The following CDH12 variants were observed in gnomAD, a reference collection of about 807,000 sequenced individuals.
CDH12 encodes the protein cadherin-12.
CDH12 carries 41 observed loss-of-function variants against 74.1 expected under a neutral mutation model. The observed-to-expected ratio is 0.55, with a 90% CI of 0.43 to 0.72. The LOEUF (loss-of-function observed/expected upper bound fraction) is 0.72, where lower values mean the gene tolerates loss of function less well. Ranked by LOEUF, CDH12 falls within the 30% of genes least tolerant of loss-of-function variation. The pLI is 0.00. For synonymous variants in CDH12, 399 were observed against 355.0 expected, an observed-to-expected ratio of 1.12 and a Z score of -1.39; for missense variants, 945 against 977.2, an observed-to-expected ratio of 0.97 and a Z score of 0.44.
chr5:22,230,779 T>G (rs1752355442), intron 3 of CDH12, among the ~76,000 whole-genome samples: 1 of 152,094 alleles, frequency 6.6e-6, no homozygotes, highest in African/African-American at 2.4e-5. Flanking sequence ...CATAATTCTT[T>G]AATCTCCAAG....
At chr5:22,250,590 T>C (rs1313603911) in intron 3 of CDH12, among the ~76,000 whole-genome samples, 1 of 152,212 alleles carries the variant, frequency 6.6e-6, no homozygotes, top group Non-Finnish European at 1.5e-5. Context: ...CATCTCTCAG[T>C]GTATAAATGC....
chr5:21,850,586 A>G (rs1750411563), intron 7 of CDH12, among the ~76,000 whole-genome samples: 1 of 151,634 alleles, frequency 6.6e-6, no homozygotes, highest in Non-Finnish European at 1.5e-5. Context: ...TTTAGAAGAC[A>G]TACAAGAATA....
In CDH12 at chr5:22,074,489, C is replaced by T. The variant is rs59025956; in HGVS notation, c.231+3957G>A. Among the ~76,000 whole-genome samples the T allele has an allele frequency of 5.3e-4, 81 of 151,986 alleles. No individual in the cohort carries two copies. The East Asian group carries it at 0.011, about 21-fold the overall frequency. ...GGATCTAGTTAAACTAAAGAGCTTC[C>T]GCACAGCAAAAGAAATTACCATCAG... On this transcript the variant is annotated intron_variant, in intron 5 of 14. Transcript: ENST00000382254.
chr5:21,945,183 G>A (rs1755515000), intron 6 of CDH12, among the ~76,000 whole-genome samples: 1 of 152,036 alleles, frequency 6.6e-6, no homozygotes, highest in East Asian at 1.9e-4. Flanking sequence ...CCAGCACTGT[G>A]GGAGGCCAAG....
intron 3 of CDH12, among the ~76,000 whole-genome samples, chr5:22,255,990 G>A (rs1436222389): frequency 6.6e-6 from 1 of 151,852 alleles, no homozygotes; most frequent in Non-Finnish European, 1.5e-5. Context: ...ACTGTGTAAC[G>A]ACCTCTAAAT....
At chr5:21,957,439 G>A (rs1265719381) in intron 6 of CDH12, among the ~76,000 whole-genome samples, 1 of 152,098 alleles carries the variant, frequency 6.6e-6, no homozygotes, top group Non-Finnish European at 1.5e-5. Context: ...GCAGTAATGC[G>A]ATTGCTGGTT....
chr5:21,840,944 T>C (rs529995275), intron 8 of CDH12, among the ~76,000 whole-genome samples: 1 of 152,010 alleles, frequency 6.6e-6, no homozygotes, highest in South Asian at 2.1e-4. Context: ...GACATAGGCA[T>C]GGGTAAGGAC....
chr5:21,860,166 TTTG>T (rs1434704877), intron 6 of CDH12, among the ~76,000 whole-genome samples: 1 of 152,086 alleles, frequency 6.6e-6, no homozygotes, highest in Non-Finnish European at 1.5e-5. Flanking sequence ...TTTTCTTTAT[TTTG>T]TTAAGAATAT....
intron 5 of CDH12, among the ~76,000 whole-genome samples, chr5:22,034,851 C>T (rs907087475): frequency 2.6e-5 from 4 of 152,020 alleles, no homozygotes; most frequent in African/African-American, 7.2e-5. Flanking sequence ...AGTAATTTGA[C>T]AATAAAATAA....
intron 3 of CDH12, among the ~76,000 whole-genome samples, chr5:22,233,070 C>T (rs1752441153): frequency 6.6e-6 from 1 of 151,068 alleles, no homozygotes; most frequent in African/African-American, 2.4e-5. Context: ...TTTACTATTA[C>T]TTTGCTATTT....
intron 5 of CDH12, among the ~76,000 whole-genome samples, chr5:22,069,907 TTTTGTC>T (rs1741826574): frequency 1.3e-5 from 2 of 152,084 alleles, no homozygotes; most frequent in Admixed American, 6.6e-5. Context: ...GAAATTAAGG[TTTTGTC>T]TCCCCACAAG....
At chr5:22,695,600 A>G (rs936437780) in intron 1 of CDH12, among the ~76,000 whole-genome samples, 1 of 152,234 alleles carries the variant, frequency 6.6e-6, no homozygotes, top group Non-Finnish European at 1.5e-5. Flanking sequence ...TATTTATAAT[A>G]CAGTGTTAAA....
Position 22,698,691 on chromosome 5 carries a change from A to AG in CDH12, c.-523+154366_-523+154367insC, listed in dbSNP as rs1336076264. Among the ~76,000 whole-genome samples, 28 of 6,462 alleles carry AG rather than the reference A, an allele frequency of 4.3e-3. 1 individual carries two copies. Among genetic ancestry groups the AG allele is most frequent in the Non-Finnish European group, 7.2e-3 (25 of 3,458 alleles). 4.2% of individuals were successfully genotyped at this position (6,462 alleles called of 152,430 possible). A position where few individuals can be genotyped will look rare whatever the true frequency, so the allele number is the denominator to read the frequency against. On this transcript the variant is annotated intron_variant, in intron 1 of 14. Transcript: ENST00000382254. ...TCAATCCCCAGATATATATATATAT[A>AG]TATATATATATATATATATATATAT...
At position 22,328,045 on chromosome 5, in the gene CDH12, T is replaced by A. The variant is rs559127362; in HGVS notation, c.-333+77212A>T. Among the ~76,000 whole-genome samples, 3 of 152,280 alleles carry A rather than the reference T, an allele frequency of 2.0e-5. No individual in the cohort carries two copies. In the South Asian group the frequency reaches 6.2e-4, roughly 32 times the overall value. ...TCACAGTGGCTTAATTAATATTGTT[T>A]GGAAATGGAGGTTGGAGGCAAGGAT... is the stretch of plus-strand genomic sequence containing the variant. On this transcript the variant is annotated intron_variant, in intron 3 of 14. Coordinates refer to ENST00000382254, the MANE Select transcript of CDH12 (RefSeq NM_004061.5).
At chr5:22,218,596 G>A (rs1014735724) in intron 3 of CDH12, among the ~76,000 whole-genome samples, 1 of 151,742 alleles carries the variant, frequency 6.6e-6, no homozygotes, top group African/African-American at 2.4e-5. Context: ...AGAAATTGCA[G>A]AGGTCACAAG....
intron 1 of CDH12, among the ~76,000 whole-genome samples, chr5:22,725,593 AT>A (rs946928267): frequency 5.8e-5 from 5 of 86,526 alleles, no homozygotes; most frequent in African/African-American, 1.2e-4. Context: ...CCTTCAAGCC[AT>A]TTTTTTTTAT....
intron 1 of CDH12, among the ~76,000 whole-genome samples, chr5:22,675,011 T>C (rs570511841): frequency 6.6e-6 from 1 of 152,320 alleles, no homozygotes; most frequent in South Asian, 2.1e-4. Context: ...TCCCATTTTC[T>C]GAGGAGAAAT....
rs889733101 is a variant in CDH12 at position 22,117,127 on chromosome 5, C to T, written c.-186-38265G>A. On this transcript the variant is annotated intron_variant, in intron 4 of 14. Transcript: ENST00000382254. Reference sequence around the variant, plus strand: ...CAAGTTAGGTAGCTTTTCTGGGTCACGGTTTCATCTGCAGTACACAATGAA... The same window carrying T: ...CAAGTTAGGTAGCTTTTCTGGGTCATGGTTTCATCTGCAGTACACAATGAA... Among the ~76,000 whole-genome samples the T allele has an allele frequency of 9.3e-5, 14 of 151,350 alleles. No homozygotes were observed. In the South Asian group the frequency reaches 2.3e-3, roughly 25 times the overall value.
chr5:22,787,374 A>G (rs1404617268), intron 1 of CDH12, among the ~76,000 whole-genome samples: 2 of 152,156 alleles, frequency 1.3e-5, no homozygotes, highest in Non-Finnish European at 2.9e-5. Flanking sequence ...TATTCCAATT[A>G]GCCTACCAAG....
Sources: allele counts gnomAD v4.1 joint callset (sites outside exome capture counted in the v4.1 genomes callset), GRCh38; gene constraint gnomAD v4.1.1; transcripts MANE v1.5; gene names NCBI Gene and HGNC (gene_info 2026-07-23, HGNC 2026-07-21).